Variants in TLN1 observed in about 807,000 individuals in gnomAD.
TLN1 encodes talin-1.
TLN1 carries 56 observed loss-of-function variants against 292.3 expected under a neutral mutation model. The observed-to-expected ratio is 0.19, with a 90% CI of 0.15 to 0.24. The LOEUF (loss-of-function observed/expected upper bound fraction) is 0.24, where lower values mean the gene tolerates loss of function less well. Ranked by LOEUF, TLN1 falls within the 10% of genes least tolerant of loss-of-function variation. The pLI is 1.00. For synonymous variants in TLN1, 1,119 were observed against 1,253.7 expected, an observed-to-expected ratio of 0.89 and a Z score of 2.27; for missense variants, 2,433 against 3,248.2, an observed-to-expected ratio of 0.75 and a Z score of 6.10.
Position 35,707,770 on chromosome 9 carries a change from C to G in TLN1, c.4593G>C (p.Glu1531Asp). The G allele has an allele frequency of 6.2e-7, 1 of 1,614,180 alleles. No individual in the cohort carries two copies. The highest frequency in any genetic ancestry group is 8.5e-7 in the Non-Finnish European group (1 of 1,180,032). The change falls in exon 35 of 57, where the codon GAG becomes GAC. Residue 1531 changes from glutamate to aspartate, a missense_variant. By Grantham distance (45) the Glu-to-Asp change is conservative. Coordinates refer to ENST00000314888, the MANE Select transcript of TLN1 (RefSeq NM_006289.4). This position sits in a 1 kb window ranked among gnomAD's most constrained non-coding sequence, Gnocchi z 5.6. Reference protein sequence around the residue: ...AKRQFVQSAKEVANSTANLVK... With the variant: ...AKRQFVQSAKDVANSTANLVK... ...CAAGATTAGCTGTGCTGTTGGCCAC[C>G]TCCTTGGCTGACTGTACAAACTGGC...
chr9:35,714,624 T>C lies in TLN1; in HGVS notation c.2935A>G (p.Ser979Gly). 1.2e-6 allele frequency: 2 copies of C among 1,613,520 alleles called. No individual in the cohort carries two copies. Among genetic ancestry groups the C allele is most frequent in the Non-Finnish European group, 1.7e-6 (2 of 1,180,028 alleles). Residue 979 changes from serine to glycine, a missense_variant, in exon 23 of 57, where the codon AGC (serine) becomes GGC (glycine). Around this residue, in one of 7 missense-constraint regions of TLN1, gnomAD observed 617 missense variants for 770.6 expected, o/e 0.80. Coordinates refer to ENST00000314888, the MANE Select transcript of TLN1 (RefSeq NM_006289.4). This position sits in a 1 kb window ranked among gnomAD's most constrained non-coding sequence, Gnocchi z 4.6. ...ATGAGGGCAAGCTGAGCGCTGGGGCTGTCAGGCTGGGCTTGGCTTCCTCGG... is the reference window on the plus strand; with the variant it reads ...ATGAGGGCAAGCTGAGCGCTGGGGCCGTCAGGCTGGGCTTGGCTTCCTCGG... Reference protein sequence around the residue: ...GVRGSQAQPDSPSAQLALIAA... With the variant: ...GVRGSQAQPDGPSAQLALIAA...
At chr9:35,729,900 A>G (rs1320212830) in intron 1 of TLN1, among the ~76,000 whole-genome samples, 1 of 151,174 alleles carries the variant, frequency 6.6e-6, no homozygotes, top group Non-Finnish European at 1.5e-5. Context: ...ATTAGTAGCC[A>G]CTAGGGGCAG....
chr9:35,715,131 A>C lies in TLN1; in HGVS notation c.2682T>G (p.Ala894=), dbSNP rs748514480. 24 of 1,613,108 alleles carry C rather than the reference A, an allele frequency of 1.5e-5. No individual in the cohort carries two copies. The highest frequency in any genetic ancestry group is 1.9e-5 in the Non-Finnish European group (22 of 1,180,044). ...EEQQQRLREA[A]EGLRMATNAA... ...CATTGGTGGCCATGCGCAGCCCCTC[A>C]GCTGCCTCCCGCAGCCGCTGCTGCT... is the stretch of plus-strand genomic sequence containing the variant. The change falls in exon 21 of 57, where the codon GCT becomes GCG. Residue 894 remains alanine (A), a synonymous_variant. Transcript: ENST00000314888.
rs1825835834 is a variant in TLN1 at position 35,719,021 on chromosome 9, C to A, written c.1896+53G>T. 3 of 1,597,434 alleles carry A rather than the reference C, an allele frequency of 1.9e-6. No homozygotes were observed. The highest frequency in any genetic ancestry group is 2.6e-6 in the Non-Finnish European group (3 of 1,168,690). Reference sequence around the variant, plus strand: ...CATCCTGTGGCTTGGACTGCCCCTTCTCCTTGGGCTTGAACCCTGTCTCCA... The same window carrying A: ...CATCCTGTGGCTTGGACTGCCCCTTATCCTTGGGCTTGAACCCTGTCTCCA... On this transcript the variant is annotated intron_variant, in intron 16 of 56. Transcript: ENST00000314888. This position sits in a 1 kb window ranked among gnomAD's most constrained non-coding sequence, Gnocchi z 4.6.
In TLN1 at chr9:35,717,688, A is replaced by G. The variant is rs747509854; in HGVS notation, c.2094T>C (p.Leu698=). ...SVAQRTEDSG[L]QTQVIAAATQ... ...TTGCTGCAGCAATAACTTGGGTCTG[A>G]AGTCCCGAGTCCTCTGTCCGCTGGG... Residue 698 remains leucine, a synonymous_variant, in exon 18 of 57, where the codon CTT becomes CTC. Transcript: ENST00000314888. This position sits in a 1 kb window ranked among gnomAD's most constrained non-coding sequence, Gnocchi z 4.7. 1 of 1,614,030 alleles carries G rather than the reference A, an allele frequency of 6.2e-7. No homozygotes were observed. The highest frequency in any genetic ancestry group is 1.3e-5 in the African/African-American group (1 of 74,932).
chr9:35,709,082 GA>G (rs976931513), intron 33 of TLN1, among the ~76,000 whole-genome samples: 33 of 152,224 alleles, frequency 2.2e-4, no homozygotes, highest in African/African-American at 6.3e-4. Flanking sequence ...AAGGTGGGGG[GA>G]AAAAAACCAA....
chr9:35,711,184 G>C lies in TLN1; in HGVS notation c.4019+71C>G, dbSNP rs1261787307. 3 of 1,610,296 alleles carry C rather than the reference G, an allele frequency of 1.9e-6. No homozygotes were observed. The African/African-American group carries it at 4.0e-5, about 22-fold the overall frequency. Reference sequence around the variant, plus strand: ...CCTATAACCATTCCTAAGCCAAGAAGCTCTCATGAACTGCCTGCTCCCCAG... The same window carrying C: ...CCTATAACCATTCCTAAGCCAAGAACCTCTCATGAACTGCCTGCTCCCCAG... On this transcript the variant is annotated intron_variant, in intron 30 of 56. Coordinates refer to ENST00000314888, the MANE Select transcript of TLN1 (RefSeq NM_006289.4).
chr9:35,707,846 C>T lies in TLN1; in HGVS notation c.4517G>A (p.Cys1506Tyr). The T allele has an allele frequency of 6.2e-7, 1 of 1,614,134 alleles. No individual in the cohort carries two copies. The highest frequency in any genetic ancestry group is 8.5e-7 in the Non-Finnish European group (1 of 1,180,030). Residue 1506 changes from cysteine (C) to tyrosine (Y), a missense_variant, in exon 35 of 57, where the codon TGT becomes TAT. By Grantham distance (194) the Cys-to-Tyr change is radical (BLOSUM62 -2). Coordinates refer to ENST00000314888, the MANE Select transcript of TLN1 (RefSeq NM_006289.4). The surrounding 1 kb of genome is among the most constrained non-coding windows in gnomAD (Gnocchi z 5.6). ...TIVAKHTSAL[C>Y]NSCRLASART... ...GGCAGAAGCCAGGCGACAGCTGTTACACAGTGCAGAGGTGTGTTTAGCCAC... is the reference window on the plus strand; with the variant it reads ...GGCAGAAGCCAGGCGACAGCTGTTATACAGTGCAGAGGTGTGTTTAGCCAC...
Position 35,704,183 on chromosome 9 carries a change from G to C in TLN1, c.6048-9C>G. 6.3e-7 allele frequency: 1 copy of C among 1,583,520 alleles called. No individual in the cohort carries two copies. The highest frequency in any genetic ancestry group is 8.6e-7 in the Non-Finnish European group (1 of 1,163,356). ...TCTTCAGGATGCCCTCCCTGAGGGA[G>C]GGCCCAGCTTAGTCAGATCTCCCCT... is the stretch of plus-strand genomic sequence containing the variant. On this transcript the variant is annotated splice_polypyrimidine_tract_variant and intron_variant, in intron 45 of 56. Coordinates refer to ENST00000314888, the MANE Select transcript of TLN1 (RefSeq NM_006289.4). This position sits in a 1 kb window ranked among gnomAD's most constrained non-coding sequence, Gnocchi z 6.9.
rs538785316 is a variant in TLN1, at chr9:35,706,252, C to T, written c.5305G>A (p.Ala1769Thr). 4.2e-5 allele frequency: 67 copies of T among 1,613,214 alleles called. No homozygotes were observed. In the East Asian group the frequency reaches 1.4e-3, roughly 33 times the overall value. ...MALLDQTKTL[A>T]ESALQLLYTA... The stretch of plus-strand genomic sequence containing the variant: ...TATAGCAACTGCAGGGCAGACTCTG[C>T]CAATGTTTTAGTCTGGTCCAGGAGT... The change falls in exon 40 of 57, where the codon GCA becomes ACA. Residue 1769 changes from alanine (A) to threonine (T), a missense_variant. Ala to Thr is a moderately conservative substitution (Grantham distance 58). Around this residue, in one of 7 missense-constraint regions of TLN1, gnomAD observed 1,384 missense variants for 1,699.6 expected, o/e 0.81. Transcript: ENST00000314888. This position sits in a 1 kb window ranked among gnomAD's most constrained non-coding sequence, Gnocchi z 4.2.
intron 29 of TLN1, 53 bp downstream of exon 29, chr9:35,711,542 C>T: frequency 6.2e-7 from 1 of 1,611,756 alleles, no homozygotes; most frequent in African/African-American, 1.3e-5. Context: ...TCAACTGCCT[C>T]CTATCTAACC....
intron 8 of TLN1, 100 bp downstream of exon 8, chr9:35,722,761 G>T: frequency 7.9e-7 from 1 of 1,269,222 alleles, no homozygotes; most frequent in Non-Finnish European, 1.1e-6. Flanking sequence ...TGAAAGCCAA[G>T]TTAGGGGAGA....
chr9:35,716,766 T>C (rs997967116), intron 19 of TLN1, among the ~76,000 whole-genome samples: 1 of 152,152 alleles, frequency 6.6e-6, no homozygotes, highest in Non-Finnish European at 1.5e-5. Flanking sequence ...AGTGGGTTCT[T>C]ACGGGAGAAG....
chr9:35,706,415 A>G lies in TLN1; in HGVS notation c.5190+35T>C. 1 of 1,613,308 alleles carries G rather than the reference A, an allele frequency of 6.2e-7. No individual in the cohort carries two copies. Among genetic ancestry groups the G allele is most frequent in the East Asian group, 2.2e-5 (1 of 44,850 alleles). On this transcript the variant is annotated intron_variant, in intron 39 of 56. Transcript: ENST00000314888. This position sits in a 1 kb window ranked among gnomAD's most constrained non-coding sequence, Gnocchi z 4.2. ...GGTCAGGTCCCCTCTCTCTCACCCT[A>G]CTCCCTGGGACTTCCCATGAGTCTC...
chr9:35,716,113 C>T (rs370260855), intron 20 of TLN1, among the ~76,000 whole-genome samples: 29 of 147,982 alleles, frequency 2.0e-4, no homozygotes, highest in African/African-American at 6.7e-4. Flanking sequence ...CCTAACACTT[C>T]GGGAGGCCAA....
intron 25 of TLN1, 113 bp from the exon 26 acceptor site, chr9:35,713,411 C>T (rs765604965): frequency 1.5e-5 from 12 of 785,408 alleles, no homozygotes; most frequent in South Asian, 3.8e-5. Flanking sequence ...GGGCTGGGTG[C>T]GATGGCTCCC....
intron 2 of TLN1, 54 bp downstream of exon 2, chr9:35,725,511 G>A (rs1178371590): frequency 6.3e-7 from 1 of 1,596,092 alleles, no homozygotes; most frequent in African/African-American, 1.3e-5. Context: ...GAGAGCCTGG[G>A]AACAAGAAGG....
chr9:35,724,559 T>C lies in TLN1; in HGVS notation c.511+13A>G, dbSNP rs761232448. The C allele has an allele frequency of 1.2e-6, 2 of 1,604,392 alleles. No homozygotes were observed. Among genetic ancestry groups the C allele is most frequent in the Admixed American group, 3.5e-5 (2 of 57,878 alleles). On this transcript the variant is annotated intron_variant, in intron 5 of 56. Coordinates refer to ENST00000314888, the MANE Select transcript of TLN1 (RefSeq NM_006289.4). The surrounding 1 kb of genome is among the most constrained non-coding windows in gnomAD (Gnocchi z 4.7). The stretch of plus-strand genomic sequence containing the variant: ...CCCATTTCAAAAGCCCTCTTTTTTC[T>C]AGTTCTGCTTACACTCATCATCTGT...
intron 43 of TLN1, among the ~76,000 whole-genome samples, chr9:35,705,092 T>G (rs1025581660): frequency 1.3e-5 from 2 of 152,082 alleles, no homozygotes; most frequent in African/African-American, 4.8e-5. Flanking sequence ...TGCTTGAATG[T>G]GGGAATCAGA....
Sources: allele counts gnomAD v4.1 joint callset (sites outside exome capture counted in the v4.1 genomes callset), GRCh38; gene constraint gnomAD v4.1.1; regional missense constraint gnomAD v4.1.1; non-coding constraint Gnocchi (gnomAD v3.1); transcripts MANE v1.5; gene names NCBI Gene and HGNC (gene_info 2026-07-23, HGNC 2026-07-21).